RBFOX1: variants seen among roughly 807,000 people sequenced by gnomAD.
RBFOX1 encodes the protein RNA binding fox-1 homolog 1.
A neutral mutation model predicts 57.7 loss-of-function variants in RBFOX1; 8 were observed. The ratio of observed to expected loss-of-function variants is 0.14; its 90% CI spans 0.08 to 0.25. RBFOX1 has a LOEUF of 0.25. Ranked by LOEUF, RBFOX1 falls within the 10% of genes least tolerant of loss-of-function variation. The pLI, the probability that RBFOX1 is intolerant of heterozygous loss-of-function variation, is 1.00. For synonymous variants in RBFOX1, 326 were observed against 222.4 expected (o/e 1.47, Z -4.15); for missense variants, 611 against 548.5 (o/e 1.11, Z -1.14).
At chr16:6,667,108 G>T (rs555802367) in intron 3 of RBFOX1, among the ~76,000 whole-genome samples, 1 of 152,122 alleles carries the variant, frequency 6.6e-6, no homozygotes, top group African/African-American at 2.4e-5. Context: ...TGAGGGTGGT[G>T]GTGGGTTGGG....
intron 4 of RBFOX1, among the ~76,000 whole-genome samples, chr16:7,442,514 A>G (rs1034983): frequency 0.38 from 57,494 of 151,866 alleles, 11,469 homozygotes; most frequent in Non-Finnish European, 0.45. Context: ...AATAAAAATG[A>G]GGAGGCCGCA....
intron 2 of RBFOX1, among the ~76,000 whole-genome samples, chr16:6,587,834 C>G (rs1039966380): frequency 2.0e-5 from 3 of 152,202 alleles, no homozygotes; most frequent in East Asian, 3.9e-4. Flanking sequence ...CATTTACTTT[C>G]TCTTTCTACC....
At chr16:7,220,824 A>G (rs1233778839) in intron 4 of RBFOX1, among the ~76,000 whole-genome samples, 1 of 151,968 alleles carries the variant, frequency 6.6e-6, no homozygotes, top group Non-Finnish European at 1.5e-5. Flanking sequence ...TTTCCATGGG[A>G]TTCTCTTGAT....
chr16:5,673,182 C>G (rs377725800), intron 3 of RBFOX1, among the ~76,000 whole-genome samples: 36 of 152,042 alleles, frequency 2.4e-4, no homozygotes, highest in African/African-American at 8.0e-4. Context: ...TGGTTTTGAA[C>G]AAGAAAATAT....
chr16:7,297,249 T>C (rs145475784), intron 4 of RBFOX1, among the ~76,000 whole-genome samples: 85 of 152,312 alleles, frequency 5.6e-4, no homozygotes, highest in African/African-American at 1.9e-3. Context: ...TGAGGCTTGA[T>C]GTAAAGACAA....
At chr16:7,610,483 C>T (rs1394443481) in intron 10 of RBFOX1, among the ~76,000 whole-genome samples, 1 of 151,980 alleles carries the variant, frequency 6.6e-6, no homozygotes, top group Non-Finnish European at 1.5e-5. Flanking sequence ...AGAGAGGTAA[C>T]ATAATCATTC....
At chr16:5,676,401 A>G (rs2050170273) in intron 3 of RBFOX1, among the ~76,000 whole-genome samples, 1 of 152,162 alleles carries the variant, frequency 6.6e-6, no homozygotes, top group African/African-American at 2.4e-5. Context: ...GTGATATTAC[A>G]TATCATTTAG....
At chr16:7,099,471 A>T (rs1279996108) in intron 4 of RBFOX1, among the ~76,000 whole-genome samples, 1 of 152,206 alleles carries the variant, frequency 6.6e-6, no homozygotes, top group South Asian at 2.1e-4. Flanking sequence ...TTGCACTGGT[A>T]TGTGAGACTT....
At chr16:7,402,901 CTG>C (rs1434245337) in intron 4 of RBFOX1, among the ~76,000 whole-genome samples, 1 of 152,124 alleles carries the variant, frequency 6.6e-6, no homozygotes, top group African/African-American at 2.4e-5. Flanking sequence ...AAAGTATAAA[CTG>C]TGGTCTATAG....
intron 2 of RBFOX1, among the ~76,000 whole-genome samples, chr16:6,473,292 G>T (rs1425154636): frequency 6.6e-6 from 1 of 152,108 alleles, no homozygotes; most frequent in African/African-American, 2.4e-5. Flanking sequence ...CATTTTTGTA[G>T]TTCTGTAGTA....
At position 6,656,916 on chromosome 16, in the gene RBFOX1, CCCTCT is replaced by C. The variant is rs1395599334; in HGVS notation, c.-16+2276_-16+2280del. On this transcript the variant is annotated intron_variant, in intron 3 of 15. Coordinates refer to ENST00000550418, the MANE Select transcript of RBFOX1 (RefSeq NM_018723.4). ...TCCTCCCCTCAACTCTCCTCTCCTCCCCTCTCCTCTCCTCCCCTCTCCTCCCCTTT... is the reference window on the plus strand; with the variant it reads ...TCCTCCCCTCAACTCTCCTCTCCTCCCCTCTCCTCCCCTCTCCTCCCCTTT... 4.5e-5 allele frequency among the ~76,000 whole-genome samples: 5 copies of C among 111,172 alleles called. 1 individual carries two copies. Among genetic ancestry groups the C allele is most frequent in the Admixed American group, 1.1e-4 (1 of 9,480 alleles). The allele number at this position is 111,172 out of a possible 152,430, so 72.9% of individuals were successfully genotyped here.
chr16:5,470,974 C>T (rs1015154528), intron 2 of RBFOX1, among the ~76,000 whole-genome samples: 46 of 152,310 alleles, frequency 3.0e-4, no homozygotes, highest in African/African-American at 1.1e-3. Flanking sequence ...GCCTCAGCCT[C>T]CTAAGTAGCT....
intron 4 of RBFOX1, among the ~76,000 whole-genome samples, chr16:7,458,159 C>G (rs921923674): frequency 1.3e-5 from 2 of 152,196 alleles, no homozygotes; most frequent in African/African-American, 4.8e-5. Context: ...ATGGTGTGCA[C>G]CACACGTCTA....
intron 14 of RBFOX1, among the ~76,000 whole-genome samples, chr16:7,692,304 G>A (rs2077520181): frequency 6.6e-6 from 1 of 151,930 alleles, no homozygotes; most frequent in South Asian, 2.1e-4. Context: ...GAAATTCTAG[G>A]GAATATTCAA....
rs2080796363 is a variant in RBFOX1, at chr16:7,533,886, TAATG to T, written c.270+15498_270+15501del. ...TTGTTATTATTAATAGAGCAAGTAA[TAATG>T]GTGTTGGGCAATATATTAATGATTT... On this transcript the variant is annotated intron_variant, in intron 5 of 15. Coordinates refer to ENST00000550418, the MANE Select transcript of RBFOX1 (RefSeq NM_018723.4). 2.0e-5 allele frequency among the ~76,000 whole-genome samples: 3 copies of T among 152,166 alleles called. No individual in the cohort carries two copies. The South Asian group carries it at 6.2e-4, about 31-fold the overall frequency.
intron 1 of RBFOX1, among the ~76,000 whole-genome samples, chr16:6,146,431 C>A (rs190942518): frequency 2.0e-5 from 3 of 152,282 alleles, no homozygotes; most frequent in Admixed American, 2.0e-4. Flanking sequence ...ATGATTTTCA[C>A]TGTGGGAGCT....
At chr16:5,283,986 G>A (rs892412802) in intron 1 of RBFOX1, among the ~76,000 whole-genome samples, 5 of 152,268 alleles carry the variant, frequency 3.3e-5, no homozygotes, top group African/African-American at 9.6e-5. Flanking sequence ...ATTCCCACAT[G>A]TTATTGGAGG....
chr16:5,657,054 C>G lies in RBFOX1; in HGVS notation c.318+58093C>G, dbSNP rs146535301. Among the ~76,000 whole-genome samples, 13 of 152,248 alleles carry G rather than the reference C, an allele frequency of 8.5e-5. No homozygotes were observed. The East Asian group carries it at 9.7e-4, about 11-fold the overall frequency. ...ACATGGCACATGTATACCTGTGTAA[C>G]AGACCTACATGTTCTGCACATGTAT... On this transcript the variant is annotated intron_variant, in intron 3 of 19. Transcript: ENST00000641259.
intron 3 of RBFOX1, among the ~76,000 whole-genome samples, chr16:5,775,908 T>C (rs2054131717): frequency 6.6e-6 from 1 of 152,188 alleles, no homozygotes; most frequent in Non-Finnish European, 1.5e-5. Context: ...TTTTAAAGGT[T>C]CTGTCTCTGG....
Sources: allele counts gnomAD v4.1 joint callset (sites outside exome capture counted in the v4.1 genomes callset), GRCh38; gene constraint gnomAD v4.1.1; transcripts MANE v1.5; gene names NCBI Gene and HGNC (gene_info 2026-07-23, HGNC 2026-07-21).